Variants in SASH3 observed in about 807,000 individuals in gnomAD.
The protein encoded by SASH3 is SAM and SH3 domain-containing protein 3.
In SASH3, 7 loss-of-function variants were observed where a neutral mutation model predicts 26.1. The ratio of observed to expected loss-of-function variants is 0.27; its 90% CI spans 0.15 to 0.50. The LOEUF (loss-of-function observed/expected upper bound fraction) is 0.50, where lower values mean the gene tolerates loss of function less well. Among genes scored for constraint, SASH3 ranks in the 20% least tolerant of loss-of-function variants. The pLI is 0.98. For synonymous variants in SASH3, 138 were observed against 136.8 expected (o/e 1.01, Z -0.06); for missense variants, 231 against 318.3 (o/e 0.73, Z 2.09).
chrX:129,781,542 G>T (rs1927017445), intron 1 of SASH3, among the ~76,000 whole-genome samples: 1 of 112,283 alleles, frequency 8.9e-6, no homozygotes, highest in African/African-American at 3.2e-5. Context: ...AACAGAGATT[G>T]CTCTATAGAC....
intron 3 of SASH3, among the ~76,000 whole-genome samples, chrX:129,789,149 GAA>G (rs1569312646): frequency 0.025 from 1,537 of 61,160 alleles, 46 homozygotes; most frequent in East Asian, 0.15. Context: ...AAGAAAGAAA[GAA>G]AGAAAGAAAG....
rs3765255 is a variant in SASH3, at chrX:129,788,293, G to A, written c.154-138G>A. 6.4e-3 allele frequency: 3,999 copies of A among 622,941 alleles called. 66 individuals carry two copies. In the East Asian group the frequency reaches 0.066, roughly 10 times the overall value. 51.3% of individuals were successfully genotyped at this position (622,941 alleles called of 1,213,427 possible). The stretch of plus-strand genomic sequence containing the variant: ...TTATAGGGCTAAGGACATGGCTGGG[G>A]TTAAGAGGGGAGGGGATGGGGGCCT... On this transcript the variant is annotated intron_variant, in intron 2 of 7. Transcript: ENST00000356892.
At chrX:129,785,552 G>T (rs1927092326) in intron 1 of SASH3, among the ~76,000 whole-genome samples, 1 of 112,123 alleles carries the variant, frequency 8.9e-6, no homozygotes, top group South Asian at 3.7e-4. Flanking sequence ...TCGCACAAGG[G>T]TCTGGGAGCC....
At chrX:129,791,981 C>T (rs750614247) in intron 4 of SASH3, among the ~76,000 whole-genome samples, 3 of 112,140 alleles carry the variant, frequency 2.7e-5, no homozygotes, top group East Asian at 5.6e-4. Context: ...GAGCAGTTCA[C>T]TTGGTCTGTG....
chrX:129,782,304 G>T (rs1229574799), intron 1 of SASH3, among the ~76,000 whole-genome samples: 1 of 112,196 alleles, frequency 8.9e-6, no homozygotes, highest in Non-Finnish European at 1.9e-5. Context: ...ACACAAGGGG[G>T]TGCCTGCTGT....
In SASH3 at chrX:129,794,059, C is replaced by T. The variant is rs1927286254; in HGVS notation, c.*227C>T. 2 of 389,354 alleles carry T rather than the reference C, an allele frequency of 5.1e-6. No individual in the cohort carries two copies. Among genetic ancestry groups the T allele is most frequent in the Non-Finnish European group, 8.9e-6 (2 of 223,610 alleles). The allele number at this position is 389,354 out of a possible 1,213,427, so 32.1% of individuals were successfully genotyped here. On this transcript the variant is annotated 3_prime_UTR_variant, in exon 8 of 8. Transcript: ENST00000356892. ...CACATCCCACCTGCCTGAGCCCCGC[C>T]CTCCACCAGCGACTGACAGCGCAGC...
At chrX:129,786,854 G>A (rs111369293) in intron 1 of SASH3, among the ~76,000 whole-genome samples, 1 of 110,159 alleles carries the variant, frequency 9.1e-6, no homozygotes, top group Non-Finnish European at 1.9e-5. Context: ...AATTAGCCGG[G>A]CCTGGTGGCA....
rs771742601 is a variant in SASH3 at position 129,780,143 on chromosome X, C to G, written c.46C>G (p.Gln16Glu). The change falls in exon 1 of 8, where the codon CAG (glutamine) becomes GAG (glutamate). Residue 16 changes from glutamine (Q) to glutamate (E), a missense_variant. Coordinates refer to ENST00000356892, the MANE Select transcript of SASH3 (RefSeq NM_018990.4). ...CAATGCCAGTGAGAAGGAGCCCACT[C>G]AGAAGAAAAAGGTGAGGAGCATTTT... ...PSNASEKEPT[Q>E]KKKLSLQRSS... The G allele has an allele frequency of 1.4e-5, 17 of 1,207,940 alleles. No homozygotes were observed. Among genetic ancestry groups the G allele is most frequent in the African/African-American group, 1.8e-5 (1 of 56,876 alleles).
At chrX:129,789,140 A>AGAAAGAAAGAAAGAAAGAAAGAAC in intron 3 of SASH3, among the ~76,000 whole-genome samples, 1 of 66,993 alleles carries the variant, frequency 1.5e-5, no homozygotes, top group Non-Finnish European at 2.4e-5. Flanking sequence ...AAAGAAAGAA[A>AGAAAGAAAGAAAGAAAGAAAGAAC]GAAAGAAAGA....
Position 129,794,237 on chromosome X carries a change from C to CA in SASH3, c.*407dup, listed in dbSNP as rs1329332691. On this transcript the variant is annotated 3_prime_UTR_variant, in exon 8 of 8. Transcript: ENST00000356892. ...GTCGCACTGCTCCTGAAAAGGGGGC[C>CA]AAGTCAATGTTTCAGGTCAGTCTAA... The CA allele has an allele frequency of 5.8e-6, 1 of 171,747 alleles. No homozygotes were observed. The highest frequency in any genetic ancestry group is 2.9e-5 in the African/African-American group (1 of 34,242). 14.2% of individuals were successfully genotyped at this position (171,747 alleles called of 1,213,427 possible). A position where few individuals can be genotyped will look rare whatever the true frequency, so the allele number is the denominator to read the frequency against.
intron 1 of SASH3, 50 bp from the exon 2 acceptor site, chrX:129,787,925 C>G (rs34716585): frequency 1.0e-6 from 1 of 996,764 alleles, no homozygotes; most frequent in East Asian, 3.1e-5. Flanking sequence ...GTATGTGGGC[C>G]CTCGGGCAGC....
At chrX:129,789,109 A>AAAAGAAAGAGAGAAAGAAAG (rs1927167194) in intron 3 of SASH3, among the ~76,000 whole-genome samples, 2 of 39,453 alleles carry the variant, frequency 5.1e-5, no homozygotes, top group Non-Finnish European at 8.0e-5. Context: ...CTCAAAAAAA[A>AAAAGAAAGAGAGAAAGAAAG]AAAGAAAGAA....
At chrX:129,790,910 C>T (rs757155527) in intron 3 of SASH3, 30 bp from the exon 4 acceptor site, 1 of 1,203,684 alleles carries the variant, frequency 8.3e-7, no homozygotes, top group African/African-American at 1.8e-5. Flanking sequence ...AGCAAGGCTC[C>T]TTAAAGCTTC....
chrX:129,781,482 C>T (rs766114554), intron 1 of SASH3, among the ~76,000 whole-genome samples: 39 of 111,992 alleles, frequency 3.5e-4, no homozygotes, highest in African/African-American at 1.2e-3. Flanking sequence ...GCTGCCACTC[C>T]TAAGAGAGCA....
rs1489354886 is a variant in SASH3, at chrX:129,787,168, T to C, written c.58-807T>C. On this transcript the variant is annotated intron_variant, in intron 1 of 7. Coordinates refer to ENST00000356892, the MANE Select transcript of SASH3 (RefSeq NM_018990.4). ...AATACAAAAAATAATAATAATAAAATAAAGCTCATATCCTGAAAAACATCT... is the reference window on the plus strand; with the variant it reads ...AATACAAAAAATAATAATAATAAAACAAAGCTCATATCCTGAAAAACATCT... Among the ~76,000 whole-genome samples, 4 of 111,276 alleles carry C rather than the reference T, an allele frequency of 3.6e-5. No individual in the cohort carries two copies. In the Admixed American group the frequency reaches 3.8e-4, roughly 11 times the overall value.
rs73633922 is a variant in SASH3, at chrX:129,792,562, G to A, written c.592-65G>A. 1.2e-5 allele frequency: 14 copies of A among 1,194,611 alleles called. No individual in the cohort carries two copies. In the African/African-American group the frequency reaches 1.9e-4, roughly 16 times the overall value. ...ACTGAACCAGGCTATGACAGTGTCA[G>A]TGGAGGCCAAGGCCCCCCATATCCT... On this transcript the variant is annotated intron_variant, in intron 5 of 7. Coordinates refer to ENST00000356892, the MANE Select transcript of SASH3 (RefSeq NM_018990.4).
chrX:129,782,745 G>C (rs1350046140), intron 1 of SASH3, among the ~76,000 whole-genome samples: 12 of 112,019 alleles, frequency 1.1e-4, no homozygotes, highest in Non-Finnish European at 3.8e-5. Flanking sequence ...GACCCAGATA[G>C]CTGTGGAATG....
intron 1 of SASH3, among the ~76,000 whole-genome samples, chrX:129,785,859 G>A (rs1221107166): frequency 4.4e-5 from 5 of 112,608 alleles, no homozygotes; most frequent in African/African-American, 1.6e-4. Flanking sequence ...GCCCAGGCCA[G>A]CCCGATGCCC....
chrX:129,788,236 A>T, intron 2 of SASH3, 166 bp downstream of exon 2: 1 of 534,863 alleles, frequency 1.9e-6, no homozygotes, highest in South Asian at 3.2e-5. Context: ...ATTCCTTTCA[A>T]TTATACATTA....
Sources: allele counts gnomAD v4.1 joint callset (sites outside exome capture counted in the v4.1 genomes callset), GRCh38; gene constraint gnomAD v4.1.1; transcripts MANE v1.5; gene names NCBI Gene and HGNC (gene_info 2026-07-23, HGNC 2026-07-21).